UBE3D: variants seen among roughly 807,000 people sequenced by gnomAD.
The protein encoded by UBE3D is E3 ubiquitin-protein ligase E3D.
A neutral mutation model predicts 49.6 loss-of-function variants in UBE3D; 48 were observed. That is an observed-to-expected ratio of 0.97 (90% CI 0.77 to 1.23). The LOEUF is 1.23. Ranked by LOEUF, UBE3D falls within the 50% of genes most tolerant of loss-of-function variation. The pLI is 0.00. For missense variants in UBE3D, 452 were observed against 468.4 expected (o/e 0.96, Z 0.32); for synonymous variants, 189 against 174.2 (o/e 1.08, Z -0.67).
At chr6:83,017,036 AG>A (rs1780745614) in intron 8 of UBE3D, 1 of 152,202 alleles carries the variant, frequency 6.6e-6, no homozygotes, top group African/African-American at 2.4e-5. Context: ...ACACCCTCAT[AG>A]ACACACCCAG....
intron 3 of UBE3D, among the ~76,000 whole-genome samples, chr6:83,051,050 A>G (rs901952276): frequency 1.3e-5 from 2 of 152,252 alleles, no homozygotes; most frequent in Non-Finnish European, 2.9e-5. Context: ...ATAATTTGCT[A>G]GTTTGCTAAT....
intron 9 of UBE3D, among the ~76,000 whole-genome samples, chr6:82,913,066 T>C (rs1772642810): frequency 1.3e-5 from 2 of 152,180 alleles, no homozygotes; most frequent in South Asian, 4.1e-4. Context: ...TGCAATCCAG[T>C]GGGGAAAAAG....
intron 9 of UBE3D, among the ~76,000 whole-genome samples, chr6:82,908,466 G>T (rs1462170091): frequency 5.3e-5 from 8 of 152,092 alleles, no homozygotes; most frequent in Non-Finnish European, 1.2e-4. Flanking sequence ...TGACACTAAT[G>T]GCTGGACTTC....
At chr6:83,027,115 C>T (rs1355701762) in intron 5 of UBE3D, among the ~76,000 whole-genome samples, 1 of 151,864 alleles carries the variant, frequency 6.6e-6, no homozygotes, top group Non-Finnish European at 1.5e-5. Context: ...TTTCTTCTAC[C>T]TGAGTACAGG....
At chr6:82,932,255 C>T (rs567034400) in intron 9 of UBE3D, among the ~76,000 whole-genome samples, 5 of 152,276 alleles carry the variant, frequency 3.3e-5, no homozygotes, top group South Asian at 2.1e-4. Flanking sequence ...TCCACCACTA[C>T]AGTATCATAT....
Position 83,044,601 on chromosome 6 carries a change from A to G in UBE3D, c.424T>C (p.Trp142Arg), listed in dbSNP as rs769155032. The change falls in exon 4 of 10, where the codon TGG (tryptophan) becomes CGG (arginine). Residue 142 changes from tryptophan to arginine, a missense_variant. Transcript: ENST00000369747. ...SENWGALVGE[W>R]CCHPDPFANK... ...GCAAAGGGGTCAGGATGACAACACC[A>G]TTCTCCAACTAGAGCTCCCCAGTTC... 6.2e-7 allele frequency: 1 copy of G among 1,614,164 alleles called. No homozygotes were observed. Among genetic ancestry groups the G allele is most frequent in the Non-Finnish European group, 8.5e-7 (1 of 1,180,006 alleles).
chr6:82,923,633 G>A (rs10943916), intron 9 of UBE3D, among the ~76,000 whole-genome samples: 20,788 of 152,178 alleles, frequency 0.14, 1,455 homozygotes, highest in South Asian at 0.16. Context: ...GTTGATTGGT[G>A]TAGCAAACCA....
In UBE3D at chr6:83,012,988, C is replaced by T. The variant is rs555012883; in HGVS notation, c.1010+5985G>A. Among the ~76,000 whole-genome samples, 438 of 152,318 alleles carry T rather than the reference C, an allele frequency of 2.9e-3. 1 individual carries two copies. The highest frequency in any genetic ancestry group is 9.5e-3 in the African/African-American group (395 of 41,554). On this transcript the variant is annotated intron_variant, in intron 8 of 9. Transcript: ENST00000369747. ...TCTGTCAACTGATCATAGGGAACTCCCCATGAGGCCACTGGTGTAGGCTGG... is the reference window on the plus strand; with the variant it reads ...TCTGTCAACTGATCATAGGGAACTCTCCATGAGGCCACTGGTGTAGGCTGG...
At chr6:83,002,787 G>A (rs1562172758) in intron 8 of UBE3D, among the ~76,000 whole-genome samples, 1 of 152,228 alleles carries the variant, frequency 6.6e-6, no homozygotes, top group Non-Finnish European at 1.5e-5. Flanking sequence ...CTTGGAAGCA[G>A]ACATGGGGCC....
At chr6:83,006,052 C>T (rs907522551) in intron 8 of UBE3D, among the ~76,000 whole-genome samples, 4 of 151,998 alleles carry the variant, frequency 2.6e-5, no homozygotes, top group Non-Finnish European at 5.9e-5. Context: ...CGGTGAAACC[C>T]CGTCTCTACT....
the UBE3D span, among the ~76,000 whole-genome samples, chr6:82,887,389 G>GTTTTTGTTTTGTTTTGTTT: frequency 4.8e-4 from 47 of 98,324 alleles, no homozygotes; most frequent in East Asian, 2.1e-3. Flanking sequence ...GACAGTAACA[G>GTTTTTGTTTTGTTTTGTTT]TTTTTTTTTT....
chr6:83,022,626 C>T lies in UBE3D; in HGVS notation c.738-65G>A, dbSNP rs1352419834. On this transcript the variant is annotated intron_variant, in intron 6 of 9. Transcript: ENST00000369747. ...TAATAACTCTAACTGGCAAGATAAGCAAAAAATACACACACGGTACCTAAA... is the reference window on the plus strand; with the variant it reads ...TAATAACTCTAACTGGCAAGATAAGTAAAAAATACACACACGGTACCTAAA... 3 of 1,157,776 alleles carry T rather than the reference C, an allele frequency of 2.6e-6. No individual in the cohort carries two copies. The Admixed American group carries it at 9.2e-5, about 35-fold the overall frequency. 71.7% of individuals were successfully genotyped at this position (1,157,776 alleles called of 1,614,324 possible). A position where few individuals can be genotyped will look rare whatever the true frequency, so the allele number is the denominator to read the frequency against.
chr6:82,988,229 C>T (rs536134382), intron 8 of UBE3D, among the ~76,000 whole-genome samples: 76 of 152,208 alleles, frequency 5.0e-4, no homozygotes, highest in African/African-American at 1.7e-3. Context: ...GAGGAAGCTT[C>T]GACTGTGTTA....
At chr6:83,008,327 G>A (rs1780118549) in intron 8 of UBE3D, among the ~76,000 whole-genome samples, 1 of 152,158 alleles carries the variant, frequency 6.6e-6, no homozygotes, top group Admixed American at 6.6e-5. Flanking sequence ...TTAAACTACA[G>A]AAGTTAATAT....
intron 9 of UBE3D, among the ~76,000 whole-genome samples, chr6:82,949,042 TA>T (rs577161303): frequency 1.3e-5 from 2 of 151,930 alleles, no homozygotes; most frequent in African/African-American, 2.4e-5. Context: ...GAGAAAGAAA[TA>T]AAGGGTATCT....
At chr6:82,906,821 G>A (rs1296904549) in intron 9 of UBE3D, among the ~76,000 whole-genome samples, 1 of 152,152 alleles carries the variant, frequency 6.6e-6, no homozygotes, top group Non-Finnish European at 1.5e-5. Flanking sequence ...ACTCAGAGAT[G>A]AATCTTTCTA....
At chr6:82,927,066 G>A (rs73477725) in intron 9 of UBE3D, among the ~76,000 whole-genome samples, 1,552 of 152,164 alleles carry the variant, frequency 0.01, 32 homozygotes, top group African/African-American at 0.035. Flanking sequence ...GTTTTTGTAC[G>A]TGGATGTCCA....
intron 8 of UBE3D, among the ~76,000 whole-genome samples, chr6:83,013,466 G>C (rs909155485): frequency 6.6e-6 from 1 of 152,178 alleles, no homozygotes; most frequent in Non-Finnish European, 1.5e-5. Flanking sequence ...CCAAGTGGCA[G>C]AGCAGCTTGC....
At chr6:82,995,510 A>ACACACACACACACACACACG (rs766604234) in intron 8 of UBE3D, among the ~76,000 whole-genome samples, 2 of 151,556 alleles carry the variant, frequency 1.3e-5, no homozygotes, top group African/African-American at 4.9e-5. Context: ...ACACACACAC[A>ACACACACACACACACACACG]CACACAGTCA....
Sources: allele counts gnomAD v4.1 joint callset (sites outside exome capture counted in the v4.1 genomes callset), GRCh38; gene constraint gnomAD v4.1.1; transcripts MANE v1.5; gene names NCBI Gene and HGNC (gene_info 2026-07-23, HGNC 2026-07-21).